Variants in LPP observed in about 807,000 individuals in gnomAD.
LPP encodes LIM domain containing preferred translocation partner in lipoma.
LPP carries 38 observed loss-of-function variants against 60.4 expected under a neutral mutation model. The ratio of observed to expected loss-of-function variants is 0.63; its 90% CI spans 0.49 to 0.83. The LOEUF is 0.83. Among genes scored for constraint, LPP ranks in the 40% least tolerant of loss-of-function variants. The pLI is 0.00. For synonymous variants in LPP, 328 were observed against 290.8 expected, an observed-to-expected ratio of 1.13 and a Z score of -1.30; for missense variants, 902 against 783.6, an observed-to-expected ratio of 1.15 and a Z score of -1.80.
chr3:188,664,653 G>A (rs1449890472), intron 7 of LPP, among the ~76,000 whole-genome samples: 1 of 151,784 alleles, frequency 6.6e-6, no homozygotes, highest in Admixed American at 6.6e-5. Context: ...AGAGAGAAGA[G>A]ATACATGGAC....
At chr3:188,655,354 G>A (rs889818608) in intron 7 of LPP, among the ~76,000 whole-genome samples, 1 of 152,134 alleles carries the variant, frequency 6.6e-6, no homozygotes, top group South Asian at 2.1e-4. Flanking sequence ...TGAGGGAAAG[G>A]ACATCAGAAA....
rs180779537 is a variant in LPP at position 188,698,776 on chromosome 3, C to T, written c.1114-9491C>T. On this transcript the variant is annotated intron_variant, in intron 7 of 11. Coordinates refer to ENST00000617246, the MANE Select transcript of LPP (RefSeq NM_001375462.1). Reference sequence around the variant, plus strand: ...ACTATTTGTCTTTTGGTCCTAAAGGCGAGACTGTACAAGAATTAATAGTTG... The same window carrying T: ...ACTATTTGTCTTTTGGTCCTAAAGGTGAGACTGTACAAGAATTAATAGTTG... 7.4e-3 allele frequency among the ~76,000 whole-genome samples: 1,127 copies of T among 152,258 alleles called. 4 individuals carry two copies. Among genetic ancestry groups the T allele is most frequent in the Non-Finnish European group, 0.011 (732 of 68,018 alleles).
intron 2 of LPP, among the ~76,000 whole-genome samples, chr3:188,230,932 T>C (rs747637145): frequency 6.6e-6 from 1 of 152,078 alleles, no homozygotes; most frequent in African/African-American, 2.4e-5. Context: ...CCGGGGAAGA[T>C]CTACTTGCTA....
intron 8 of LPP, among the ~76,000 whole-genome samples, chr3:188,748,845 T>C (rs541257538): frequency 6.6e-6 from 1 of 152,278 alleles, no homozygotes; most frequent in East Asian, 1.9e-4. Flanking sequence ...TTCTGTTAAA[T>C]GAATGTTCTA....
In LPP at chr3:188,356,674, G is replaced by A. The variant is rs191239861; in HGVS notation, c.-10+14955G>A. 1.6e-4 allele frequency among the ~76,000 whole-genome samples: 24 copies of A among 152,266 alleles called. No individual in the cohort carries two copies. In the East Asian group the frequency reaches 4.6e-3, roughly 29 times the overall value. On this transcript the variant is annotated intron_variant, in intron 3 of 11. Transcript: ENST00000617246. ...GTGGCAATAGTTCTTGGCTAACCTG[G>A]TCACTATGGAAGTTCTTTCCGTGGA...
At chr3:188,599,754 GTGTGTGTGT>G (rs1840725091) in intron 6 of LPP, among the ~76,000 whole-genome samples, 1 of 138,358 alleles carries the variant, frequency 7.2e-6, no homozygotes, top group Non-Finnish European at 1.5e-5. Context: ...CGTTAGGGGT[GTGTGTGTGT>G]GTGTGTGTGT....
intron 9 of LPP, among the ~76,000 whole-genome samples, chr3:188,797,199 C>T (rs1218146563): frequency 6.6e-6 from 1 of 152,078 alleles, no homozygotes; most frequent in Non-Finnish European, 1.5e-5. Flanking sequence ...GCTGGTTACT[C>T]TAGGCTCTGG....
Position 188,406,393 on chromosome 3 carries a change from T to A in LPP, c.193+80T>A, listed in dbSNP as rs1289222592. 2.6e-5 allele frequency: 35 copies of A among 1,322,968 alleles called. No individual in the cohort carries two copies. The East Asian group carries it at 8.2e-4, about 31-fold the overall frequency. 82.0% of individuals were successfully genotyped at this position (1,322,968 alleles called of 1,614,324 possible). On this transcript the variant is annotated intron_variant, in intron 4 of 11. Transcript: ENST00000617246. ...AGGTGATTTGTAGTACAAAGTTGTG[T>A]CAGAAAAACGTAGTTTGTGAATTCA... is the stretch of plus-strand genomic sequence containing the variant.
At chr3:188,390,578 C>T (rs1005993643) in intron 3 of LPP, among the ~76,000 whole-genome samples, 10 of 150,984 alleles carry the variant, frequency 6.6e-5, no homozygotes, top group African/African-American at 1.2e-4. Flanking sequence ...ACTGCTGGAC[C>T]GGGTGCCAGA....
At chr3:188,407,534 G>A (rs751580179) in intron 4 of LPP, among the ~76,000 whole-genome samples, 12 of 152,144 alleles carry the variant, frequency 7.9e-5, no homozygotes, top group Non-Finnish European at 1.6e-4. Flanking sequence ...TCAGAAAGCT[G>A]CTCTTGAAAA....
At chr3:188,462,549 T>TATATAA (rs1202690496) in intron 4 of LPP, among the ~76,000 whole-genome samples, 12 of 26,824 alleles carry the variant, frequency 4.5e-4, no homozygotes, top group South Asian at 3.2e-3. Context: ...GAGCTTTATA[T>TATATAA]ATATATATAT....
intron 4 of LPP, among the ~76,000 whole-genome samples, chr3:188,426,952 T>C (rs937589780): frequency 6.6e-6 from 1 of 152,330 alleles, no homozygotes; most frequent in East Asian, 1.9e-4. Flanking sequence ...CCTGTTTACA[T>C]TGAAGGTTAA....
chr3:188,247,376 A>T (rs1727352079), intron 2 of LPP, among the ~76,000 whole-genome samples: 1 of 152,146 alleles, frequency 6.6e-6, no homozygotes, highest in Non-Finnish European at 1.5e-5. Flanking sequence ...TGTGTTAAGG[A>T]TGTTGTCAAA....
chr3:188,647,963 A>G (rs1246117738), intron 7 of LPP, among the ~76,000 whole-genome samples: 1 of 152,162 alleles, frequency 6.6e-6, no homozygotes, highest in Non-Finnish European at 1.5e-5. Flanking sequence ...ACTAAGCCTC[A>G]ATGTTCTCAT....
Position 188,785,547 on chromosome 3 carries a change from T to TATATATAC in LPP, c.1410+25266_1410+25267insTATATACA, listed in dbSNP as rs1206082559. Among the ~76,000 whole-genome samples, 50 of 43,844 alleles carry TATATATAC rather than the reference T, an allele frequency of 1.1e-3. 13 individuals carry two copies. The highest frequency in any genetic ancestry group is 4.6e-3 in the African/African-American group (49 of 10,628). 28.8% of individuals were successfully genotyped at this position (43,844 alleles called of 152,430 possible). ...ATATATATTCCATCATATATATATATACACACACACACACACACACACACA... is the reference window on the plus strand; with the variant it reads ...ATATATATTCCATCATATATATATATATATATACACACACACACACACACACACACACA... On this transcript the variant is annotated intron_variant, in intron 9 of 11. Transcript: ENST00000617246.
chr3:188,289,770 G>C (rs1440726862), intron 2 of LPP, among the ~76,000 whole-genome samples: 3 of 152,188 alleles, frequency 2.0e-5, no homozygotes, highest in Non-Finnish European at 4.4e-5. Flanking sequence ...AATGGAACTT[G>C]AAATCAGACA....
rs373067080 is a variant in LPP, at chr3:188,563,460, A to ATATGTGTGTGTGTGTGTGTGTGTGTG, written c.429+38674_429+38675insATGTGTGTGTGTGTGTGTGTGTGTGT. ...CATTTATGTATACATTTACATATAT[A>ATATGTGTGTGTGTGTGTGTGTGTGTG]TGTGTGTGTGTGTGTGTGTGTGTGT... On this transcript the variant is annotated intron_variant, in intron 6 of 11. Coordinates refer to ENST00000617246, the MANE Select transcript of LPP (RefSeq NM_001375462.1). Among the ~76,000 whole-genome samples, 14 of 142,034 alleles carry ATATGTGTGTGTGTGTGTGTGTGTGTG rather than the reference A, an allele frequency of 9.9e-5. No homozygotes were observed. The East Asian group carries it at 1.0e-3, about 10-fold the overall frequency. 93.2% of individuals were successfully genotyped at this position (142,034 alleles called of 152,430 possible). A position where few individuals can be genotyped will look rare whatever the true frequency, so the allele number is the denominator to read the frequency against.
intron 9 of LPP, among the ~76,000 whole-genome samples, chr3:188,821,800 A>G (rs576528131): frequency 2.1e-4 from 32 of 152,224 alleles, no homozygotes; most frequent in African/African-American, 7.5e-4. Context: ...TGCTTGTATA[A>G]CATTAATACT....
chr3:188,869,780 T>G (rs1228124470), intron 10 of LPP, among the ~76,000 whole-genome samples: 4 of 152,224 alleles, frequency 2.6e-5, no homozygotes, highest in Non-Finnish European at 5.9e-5. Context: ...TTTTGAGAAC[T>G]TGTTAATGGA....
Sources: allele counts gnomAD v4.1 joint callset (sites outside exome capture counted in the v4.1 genomes callset), GRCh38; gene constraint gnomAD v4.1.1; transcripts MANE v1.5; gene names NCBI Gene and HGNC (gene_info 2026-07-23, HGNC 2026-07-21).